CENPP: variants seen among roughly 807,000 people sequenced by gnomAD.
The protein encoded by CENPP is centromere protein P.
Under a neutral mutation model 35.6 loss-of-function variants are expected in CENPP, and 24 were observed. The observed-to-expected ratio is 0.67, with a 90% CI of 0.49 to 0.95. CENPP has a LOEUF of 0.95. Among genes scored for constraint, CENPP ranks in the 40% least tolerant of loss-of-function variants. The pLI, the probability that CENPP is intolerant of heterozygous loss-of-function variation, is 0.00. For missense variants in CENPP, 332 were observed against 345.3 expected, an observed-to-expected ratio of 0.96 and a Z score of 0.31; for synonymous variants, 120 against 125.5, an observed-to-expected ratio of 0.96 and a Z score of 0.29.
At chr9:92,333,215 G>T (rs1840810060) in intron 2 of CENPP, among the ~76,000 whole-genome samples, 1 of 152,224 alleles carries the variant, frequency 6.6e-6, no homozygotes, top group South Asian at 2.1e-4. Context: ...ATTCCCAAAA[G>T]CAGAAATCAT....
At chr9:92,339,485 A>AC (rs141202515) in intron 3 of CENPP, among the ~76,000 whole-genome samples, 4,641 of 151,762 alleles carry the variant, frequency 0.031, 108 homozygotes, top group South Asian at 0.08. Context: ...GGTTGTCTAG[A>AC]CCCCCTCATT....
At position 92,401,160 on chromosome 9, in the gene CENPP, T is replaced by C. The variant is rs1019260460; in HGVS notation, c.564+21301T>C. 14 of 1,529,566 alleles carry C rather than the reference T, an allele frequency of 9.2e-6. No homozygotes were observed. The highest frequency in any genetic ancestry group is 1.2e-5 in the Non-Finnish European group (13 of 1,104,682). 94.7% of individuals were successfully genotyped at this position (1,529,566 alleles called of 1,614,324 possible). A position where few individuals can be genotyped will look rare whatever the true frequency, so the allele number is the denominator to read the frequency against. ...TTTTTGTAATTGAAGACTTTTCTCATTGGGTATTATCACAGTTTCTTTTTC... is the reference window on the plus strand; with the variant it reads ...TTTTTGTAATTGAAGACTTTTCTCACTGGGTATTATCACAGTTTCTTTTTC... On this transcript the variant is annotated intron_variant, in intron 5 of 7. Transcript: ENST00000375587.
chr9:92,367,199 C>T (rs1485510305), intron 4 of CENPP, among the ~76,000 whole-genome samples: 1 of 152,154 alleles, frequency 6.6e-6, no homozygotes, highest in African/African-American at 2.4e-5. Context: ...CAGAGTCTCA[C>T]TCTGTCTCCC....
At chr9:92,401,164 G>A (rs761445817) in intron 5 of CENPP, 1 of 1,513,252 alleles carries the variant, frequency 6.6e-7, no homozygotes, top group East Asian at 2.3e-5. Flanking sequence ...TTCTCATTGG[G>A]TATTATCACA....
At chr9:92,441,584 C>T (rs1388755248) in intron 5 of CENPP, among the ~76,000 whole-genome samples, 2 of 152,116 alleles carry the variant, frequency 1.3e-5, no homozygotes, top group Non-Finnish European at 1.5e-5. Context: ...CATAACAAGA[C>T]TCCACCTCTA....
At chr9:92,596,038 T>C (rs1162835687) in intron 5 of CENPP, among the ~76,000 whole-genome samples, 1 of 152,124 alleles carries the variant, frequency 6.6e-6, no homozygotes, top group East Asian at 1.9e-4. Context: ...TTGTTAAACA[T>C]GAAAGTCCTC....
chr9:92,602,173 G>A (rs981385079), intron 5 of CENPP, among the ~76,000 whole-genome samples: 3 of 152,152 alleles, frequency 2.0e-5, no homozygotes, highest in Non-Finnish European at 2.9e-5. Context: ...TGAGCATCAC[G>A]ACCAATAGTG....
At chr9:92,524,579 C>T (rs1848276705) in intron 5 of CENPP, among the ~76,000 whole-genome samples, 1 of 152,164 alleles carries the variant, frequency 6.6e-6, no homozygotes, top group Admixed American at 6.5e-5. Flanking sequence ...CACACATACT[C>T]ACATACACAC....
chr9:92,329,437 C>T (rs1291850556), intron 1 of CENPP, among the ~76,000 whole-genome samples: 1 of 152,160 alleles, frequency 6.6e-6, no homozygotes, highest in Non-Finnish European at 1.5e-5. Context: ...CTGCCCACCT[C>T]GGCATCCCAA....
intron 5 of CENPP, chr9:92,474,932 A>G (rs1463333112): frequency 2.6e-6 from 4 of 1,561,484 alleles, no homozygotes. Context: ...CTAGGACTAA[A>G]CAGACATGGG....
chr9:92,509,932 T>G lies in CENPP; in HGVS notation c.565-101382T>G, dbSNP rs142108843. 512 of 1,606,776 alleles carry G rather than the reference T, an allele frequency of 3.2e-4. 1 individual carries two copies. In the African/African-American group the frequency reaches 6.5e-3, roughly 20 times the overall value. The stretch of plus-strand genomic sequence containing the variant: ...CTTTCTTCATCGATAGCCTGAAGAT[T>G]GTTCTCATTGACTTTAAGTTCTTCT... On this transcript the variant is annotated intron_variant, in intron 5 of 7. Coordinates refer to ENST00000375587, the MANE Select transcript of CENPP (RefSeq NM_001012267.3).
At chr9:92,595,431 G>C (rs1419218056) in intron 5 of CENPP, among the ~76,000 whole-genome samples, 1 of 151,266 alleles carries the variant, frequency 6.6e-6, no homozygotes, top group East Asian at 2.0e-4. Context: ...TGTGGAGATG[G>C]GGATCTTACC....
At chr9:92,607,617 T>C (rs900725539) in intron 5 of CENPP, among the ~76,000 whole-genome samples, 1 of 152,232 alleles carries the variant, frequency 6.6e-6, no homozygotes, top group African/African-American at 2.4e-5. Context: ...CGGCCAGACA[T>C]AATTTTTGGG....
At chr9:92,449,032 CAG>C (rs1286312652) in intron 5 of CENPP, among the ~76,000 whole-genome samples, 1 of 152,146 alleles carries the variant, frequency 6.6e-6, no homozygotes, top group East Asian at 1.9e-4. Context: ...TCAAAGTGAA[CAG>C]AGATTTTCAA....
At position 92,504,007 on chromosome 9, in the gene CENPP, A is replaced by G. The variant is rs573787425; in HGVS notation, c.565-107307A>G. On this transcript the variant is annotated intron_variant, in intron 5 of 7. Transcript: ENST00000375587. ...TATGCCCAGTGCTTTCCAGACTGGT[A>G]GGAGTGGATCCCTCTGGAGAGAGAG... Among the ~76,000 whole-genome samples, 12 of 152,362 alleles carry G rather than the reference A, an allele frequency of 7.9e-5. No individual in the cohort carries two copies. In the South Asian group the frequency reaches 1.2e-3, roughly 16 times the overall value.
In CENPP at chr9:92,353,725, A is replaced by G. The variant is rs906819984; in HGVS notation, c.467+7938A>G. On this transcript the variant is annotated intron_variant, in intron 4 of 7. Transcript: ENST00000375587. ...TCCTCCCTCTGGAACTAAGACCTCTAGGCCAGCAGAATGTAATGTCGCAGG... is the reference window on the plus strand; with the variant it reads ...TCCTCCCTCTGGAACTAAGACCTCTGGGCCAGCAGAATGTAATGTCGCAGG... Among the ~76,000 whole-genome samples the G allele has an allele frequency of 8.5e-5, 13 of 152,288 alleles. No individual in the cohort carries two copies. The East Asian group carries it at 9.6e-4, about 11-fold the overall frequency.
chr9:92,586,868 C>G (rs1013560769), intron 5 of CENPP, among the ~76,000 whole-genome samples: 3 of 152,044 alleles, frequency 2.0e-5, no homozygotes, highest in Non-Finnish European at 2.9e-5. Context: ...CAATCAACAA[C>G]AGCAAACCCT....
Position 92,467,134 on chromosome 9 carries a change from C to T in CENPP, c.564+87275C>T, listed in dbSNP as rs1386603322. Among the ~76,000 whole-genome samples, 4 of 152,320 alleles carry T rather than the reference C, an allele frequency of 2.6e-5. No homozygotes were observed. In the East Asian group the frequency reaches 5.8e-4, roughly 22 times the overall value. On this transcript the variant is annotated intron_variant, in intron 5 of 7. Transcript: ENST00000375587. Reference sequence around the variant, plus strand: ...TATAGTAATGGATCCTGAGAAATGACTCAATCTCTTATCAGTTTTTTGGGT... The same window carrying T: ...TATAGTAATGGATCCTGAGAAATGATTCAATCTCTTATCAGTTTTTTGGGT...
At chr9:92,455,524 A>T (rs892861921) in intron 5 of CENPP, among the ~76,000 whole-genome samples, 5 of 152,186 alleles carry the variant, frequency 3.3e-5, no homozygotes, top group Non-Finnish European at 5.9e-5. Flanking sequence ...GACCTGGCCC[A>T]AAATGTCAAG....
Sources: gnomAD v4.1 joint callset for allele counts (sites outside exome capture counted in the v4.1 genomes callset) on GRCh38, gnomAD v4.1.1 for gene constraint, MANE v1.5 for transcripts, NCBI Gene and HGNC (gene_info 2026-07-23, HGNC 2026-07-21) for gene names.